Variants in PSD3 observed in about 807,000 individuals in gnomAD.
The protein encoded by PSD3 is PH and SEC7 domain-containing protein 3.
Under a neutral mutation model 105.5 loss-of-function variants are expected in PSD3, and 49 were observed. The observed-to-expected ratio is 0.46, with a 90% CI of 0.37 to 0.59. PSD3 has a LOEUF of 0.59. PSD3 is among the 20% of genes least tolerant of loss of function. The pLI is 0.00. For missense variants in PSD3, 1,561 were observed against 1,263.8 expected, an observed-to-expected ratio of 1.24 and a Z score of -3.57; for synonymous variants, 557 against 457.8, an observed-to-expected ratio of 1.22 and a Z score of -2.77.
At chr8:19,052,391 G>A (rs544694157) in intron 1 of PSD3, among the ~76,000 whole-genome samples, 1 of 150,626 alleles carries the variant, frequency 6.6e-6, no homozygotes, top group Non-Finnish European at 1.5e-5. Flanking sequence ...AGAATCACTT[G>A]AACCCAGGAG....
intron 14 of PSD3, among the ~76,000 whole-genome samples, chr8:18,559,563 T>C (rs1436762924): frequency 6.6e-6 from 1 of 152,188 alleles, no homozygotes; most frequent in Non-Finnish European, 1.5e-5. Context: ...TAGAATCCAA[T>C]GATAGAATCC....
At chr8:18,591,695 G>A (rs905809944) in intron 12 of PSD3, among the ~76,000 whole-genome samples, 8 of 152,262 alleles carry the variant, frequency 5.3e-5, no homozygotes, top group South Asian at 2.1e-4. Context: ...GAGGAGCAGA[G>A]TATGCATCCA....
intron 2 of PSD3, among the ~76,000 whole-genome samples, chr8:18,902,501 G>A (rs1486062202): frequency 6.6e-6 from 1 of 152,044 alleles, no homozygotes; most frequent in Non-Finnish European, 1.5e-5. Flanking sequence ...CTTTTTCACT[G>A]AGGTCTGTTA....
intron 8 of PSD3, among the ~76,000 whole-genome samples, chr8:18,776,773 G>A (rs335221): frequency 0.52 from 78,283 of 151,872 alleles, 22,505 homozygotes; most frequent in African/African-American, 0.77. Flanking sequence ...CTTTGATCTC[G>A]TTACTCATTA....
At chr8:18,557,160 T>C (rs1405931634) in intron 14 of PSD3, among the ~76,000 whole-genome samples, 3 of 152,208 alleles carry the variant, frequency 2.0e-5, no homozygotes, top group African/African-American at 7.2e-5. Context: ...TGGAATTCTC[T>C]TGCATTCTTG....
At chr8:18,575,841 A>G (rs1191072914) in intron 12 of PSD3, among the ~76,000 whole-genome samples, 1 of 152,212 alleles carries the variant, frequency 6.6e-6, no homozygotes, top group African/African-American at 2.4e-5. Flanking sequence ...TTCTGCTGAA[A>G]GAAAAGAGGA....
chr8:19,084,661 A>AT (rs1194003993), exon 1 of PSD3: 46 of 338,342 alleles, frequency 1.4e-4, no homozygotes, highest in East Asian at 9.3e-4. Flanking sequence ...GGATCCTGGG[A>AT]TTTTTTCCTC....
At chr8:18,980,910 A>G (rs547974430) in intron 1 of PSD3, among the ~76,000 whole-genome samples, 2 of 152,178 alleles carry the variant, frequency 1.3e-5, no homozygotes, top group South Asian at 2.1e-4. Flanking sequence ...ACAGCTTCTG[A>G]TCGCTGGTCT....
At chr8:18,627,965 A>G (rs1167279047) in intron 11 of PSD3, among the ~76,000 whole-genome samples, 1 of 152,060 alleles carries the variant, frequency 6.6e-6, no homozygotes, top group East Asian at 1.9e-4. Flanking sequence ...CATCAACCTG[A>G]TAAGGAGAGA....
chr8:18,561,023 G>GT (rs1384501989), intron 14 of PSD3, among the ~76,000 whole-genome samples: 9 of 152,272 alleles, frequency 5.9e-5, no homozygotes, highest in Middle Eastern at 3.4e-3. Context: ...CTGGAAAACT[G>GT]TAAGAAGGCT....
chr8:18,947,117 C>A (rs1312430870), intron 1 of PSD3, among the ~76,000 whole-genome samples: 3 of 152,100 alleles, frequency 2.0e-5, no homozygotes, highest in South Asian at 4.2e-4. Flanking sequence ...AAGTCAGTAA[C>A]AACATCAAGT....
intron 15 of PSD3, among the ~76,000 whole-genome samples, chr8:18,547,698 C>T (rs1376290677): frequency 6.6e-6 from 1 of 152,174 alleles, no homozygotes; most frequent in Non-Finnish European, 1.5e-5. Flanking sequence ...CACTTCTCAA[C>T]TCCCTTTCTT....
chr8:18,919,021 C>T (rs1363090468), intron 2 of PSD3, among the ~76,000 whole-genome samples: 1 of 152,110 alleles, frequency 6.6e-6, no homozygotes, highest in Admixed American at 6.5e-5. Context: ...TAAGGTTTTG[C>T]CTCTTGGATT....
rs373950175 is a variant in PSD3 at position 18,564,583 on chromosome 8, G to C, written c.2784+7945C>G. 8.6e-5 allele frequency among the ~76,000 whole-genome samples: 13 copies of C among 150,842 alleles called. No individual in the cohort carries two copies. In the East Asian group the frequency reaches 2.0e-3, roughly 23 times the overall value. ...GGTGGAGGTTGCAGTGAGCCAAGAT[G>C]GCACCACTGCACTCCAGCCTGGGTG... On this transcript the variant is annotated intron_variant, in intron 14 of 15. Coordinates refer to ENST00000327040, the MANE Select transcript of PSD3 (RefSeq NM_015310.4).
At chr8:18,723,426 T>A (rs1387711109) in intron 9 of PSD3, among the ~76,000 whole-genome samples, 1 of 152,226 alleles carries the variant, frequency 6.6e-6, no homozygotes, top group Non-Finnish European at 1.5e-5. Flanking sequence ...TTATAGAAAG[T>A]CATTAAAAAG....
intron 11 of PSD3, among the ~76,000 whole-genome samples, chr8:18,602,540 G>T (rs1198835619): frequency 6.6e-6 from 1 of 151,974 alleles, no homozygotes; most frequent in Non-Finnish European, 1.5e-5. Flanking sequence ...AGATAACTAG[G>T]GAGCAATTAT....
intron 11 of PSD3, among the ~76,000 whole-genome samples, chr8:18,607,968 T>C (rs951317456): frequency 5.9e-5 from 9 of 152,160 alleles, no homozygotes; most frequent in African/African-American, 2.2e-4. Context: ...CTCATTATCA[T>C]GAGAACAGCA....
chr8:18,807,419 G>A (rs1176849626), intron 4 of PSD3, among the ~76,000 whole-genome samples: 1 of 152,154 alleles, frequency 6.6e-6, no homozygotes, highest in Non-Finnish European at 1.5e-5. Flanking sequence ...GAAGCTCTAA[G>A]AATAGGGAAA....
At chr8:18,926,167 G>A (rs1243594201) in intron 2 of PSD3, among the ~76,000 whole-genome samples, 2 of 151,258 alleles carry the variant, frequency 1.3e-5, no homozygotes, top group Admixed American at 6.6e-5. Flanking sequence ...GAAAATGATC[G>A]CTTCTTAGAA....
Sources: gnomAD v4.1 joint callset for allele counts (sites outside exome capture counted in the v4.1 genomes callset) on GRCh38, gnomAD v4.1.1 for gene constraint, MANE v1.5 for transcripts, NCBI Gene and HGNC (gene_info 2026-07-23, HGNC 2026-07-21) for gene names.